Variants in COP1 observed in about 807,000 individuals in gnomAD.
COP1 encodes the protein E3 ubiquitin-protein ligase COP1.
A neutral mutation model predicts 101.3 loss-of-function variants in COP1; 24 were observed. The observed-to-expected ratio is 0.24, with a 90% confidence interval of 0.17 to 0.33. The LOEUF (loss-of-function observed/expected upper bound fraction) is 0.33. Among genes scored for constraint, COP1 ranks in the 10% least tolerant of loss-of-function variants. COP1 has a pLI of 1.00. For synonymous variants in COP1, 347 were observed against 341.9 expected (o/e 1.01, Z -0.17); for missense variants, 663 against 906.2 (o/e 0.73, Z 3.45).
rs181843878 is a variant in COP1, at chr1:176,162,463, A to G, written c.762+406T>C. On this transcript the variant is annotated intron_variant, in intron 5 of 19. Transcript: ENST00000367669. ...ATGCCATAGACTACTACTGCTACCA[A>G]TGGACACCTGCTGAAAGAACTGTAT... 7.7e-3 allele frequency among the ~76,000 whole-genome samples: 1,174 copies of G among 152,292 alleles called. 7 individuals are homozygous for G. Among genetic ancestry groups the G allele is most frequent in the South Asian group, 0.031 (150 of 4,830 alleles).
chr1:176,207,078 C>G lies in COP1; in HGVS notation c.-100G>C. On this transcript the variant is annotated 5_prime_UTR_variant, in exon 1 of 20. Coordinates refer to ENST00000367669, the MANE Select transcript of COP1 (RefSeq NM_022457.7). Reference sequence around the variant, plus strand: ...CCTCAGCCTCAGTGCATCCTGAGGACGCCCGCCGAGCCGGAGGTGGGGCTG... The same window carrying G: ...CCTCAGCCTCAGTGCATCCTGAGGAGGCCCGCCGAGCCGGAGGTGGGGCTG... 1.0e-6 allele frequency: 1 copy of G among 990,974 alleles called. No homozygotes were observed. Among genetic ancestry groups the G allele is most frequent in the East Asian group, 3.3e-5 (1 of 30,502 alleles). 61.4% of individuals were successfully genotyped at this position (990,974 alleles called of 1,614,324 possible). A position where few individuals can be genotyped will look rare whatever the true frequency, so the allele number is the denominator to read the frequency against.
intron 18 of COP1, among the ~76,000 whole-genome samples, chr1:175,986,255 G>A (rs1287935919): frequency 3.3e-5 from 5 of 152,162 alleles, no homozygotes; most frequent in Non-Finnish European, 5.9e-5. Context: ...TCCTGACCTC[G>A]TGATTTGCCC....
At chr1:176,137,958 G>C (rs1690069928) in intron 6 of COP1, among the ~76,000 whole-genome samples, 1 of 152,106 alleles carries the variant, frequency 6.6e-6, no homozygotes, top group Non-Finnish European at 1.5e-5. Flanking sequence ...AAAGCCAATA[G>C]TTGAAATATC....
chr1:175,968,400 T>C (rs1652518758), intron 18 of COP1: 1 of 512,060 alleles, frequency 2.0e-6, no homozygotes, highest in African/African-American at 1.9e-5. Flanking sequence ...TTTTAAAGGC[T>C]GTACGGAGGG....
chr1:176,156,217 T>C (rs1693425214), intron 5 of COP1, among the ~76,000 whole-genome samples: 10 of 152,148 alleles, frequency 6.6e-5, no homozygotes, highest in Admixed American at 6.5e-4. Flanking sequence ...CATATTGTCC[T>C]TGAAGTAGCA....
intron 11 of COP1, among the ~76,000 whole-genome samples, chr1:176,046,742 C>T (rs917244615): frequency 2.0e-5 from 3 of 151,870 alleles, no homozygotes; most frequent in African/African-American, 7.3e-5. Flanking sequence ...TAGAATTTCA[C>T]AATATTAAAT....
intron 15 of COP1, among the ~76,000 whole-genome samples, chr1:176,006,718 G>C (rs1425167676): frequency 6.6e-6 from 1 of 152,252 alleles, no homozygotes; most frequent in South Asian, 2.1e-4. Context: ...CGAGAGATCC[G>C]CTGTTAGTCT....
intron 11 of COP1, among the ~76,000 whole-genome samples, chr1:176,070,779 T>A (rs1162739252): frequency 2.6e-5 from 4 of 152,152 alleles, no homozygotes; most frequent in African/African-American, 9.7e-5. Context: ...ACCCTCCTCA[T>A]TAGGACTACA....
chr1:176,107,478 C>T (rs1409178049), intron 9 of COP1, among the ~76,000 whole-genome samples: 1 of 151,968 alleles, frequency 6.6e-6, no homozygotes, highest in East Asian at 1.9e-4. Context: ...TATGAAGGAG[C>T]TCCAACTAGC....
At chr1:176,054,161 CTTT>C (rs71129544) in intron 11 of COP1, among the ~76,000 whole-genome samples, 46 of 124,126 alleles carry the variant, frequency 3.7e-4, no homozygotes, top group Middle Eastern at 4.2e-3. Flanking sequence ...GCAAATTATT[CTTT>C]TTTTTTTTTT....
intron 3 of COP1, among the ~76,000 whole-genome samples, chr1:176,171,124 CAAAAAAAAAAA>C (rs1174700907): frequency 5.3e-5 from 3 of 56,848 alleles, no homozygotes; most frequent in Non-Finnish European, 9.6e-5. Context: ...GACTCCATCT[CAAAAAAAAAAA>C]AAAAAAAAAA....
intron 9 of COP1, among the ~76,000 whole-genome samples, chr1:176,113,600 T>C (rs1685657277): frequency 2.0e-5 from 3 of 152,204 alleles, no homozygotes; most frequent in Admixed American, 6.6e-5. Context: ...TGTTCCCCTA[T>C]ATAAAGTTTG....
intron 2 of COP1, among the ~76,000 whole-genome samples, chr1:176,182,978 G>A (rs1039705494): frequency 6.6e-6 from 1 of 152,086 alleles, no homozygotes; most frequent in Admixed American, 6.6e-5. Context: ...ACTAGATAAA[G>A]GTGGACATTT....
intron 13 of COP1, 136 bp downstream of exon 13, chr1:176,043,574 T>TA: frequency 7.7e-6 from 5 of 647,994 alleles, no homozygotes; most frequent in Non-Finnish European, 1.4e-5. Flanking sequence ...CATTTGGTAT[T>TA]GCATAGGTGT....
intron 15 of COP1, among the ~76,000 whole-genome samples, chr1:176,016,276 T>C (rs1318101358): frequency 6.6e-6 from 1 of 151,896 alleles, no homozygotes; most frequent in Admixed American, 6.6e-5. Context: ...TATCAAAGAA[T>C]ACCAACATTT....
chr1:176,057,721 A>C (rs1673859782), intron 11 of COP1, among the ~76,000 whole-genome samples: 1 of 152,108 alleles, frequency 6.6e-6, no homozygotes, highest in East Asian at 1.9e-4. Context: ...TTGGCCTCCC[A>C]AAGTGCCGAG....
rs537462387 is a variant in COP1 at position 176,041,718 on chromosome 1, C to T, written c.1612+1468G>A. ...TGGTGGCTCACACCGGTAATTCCAG[C>T]ACTTTGGGAAGTCGAGGTGGGTAGA... On this transcript the variant is annotated intron_variant, in intron 14 of 19. Coordinates refer to ENST00000367669, the MANE Select transcript of COP1 (RefSeq NM_022457.7). Among the ~76,000 whole-genome samples the T allele has an allele frequency of 2.0e-4, 30 of 152,288 alleles. No individual in the cohort carries two copies. In the South Asian group the frequency reaches 3.7e-3, roughly 19 times the overall value.
At chr1:176,151,347 G>GAAAGAA (rs1163140272) in intron 5 of COP1, among the ~76,000 whole-genome samples, 7 of 119,744 alleles carry the variant, frequency 5.8e-5, no homozygotes, top group African/African-American at 2.3e-4. Flanking sequence ...AGGAAGGAAA[G>GAAAGAA]AAAGAAAAAG....
intron 1 of COP1, among the ~76,000 whole-genome samples, chr1:176,192,671 G>C (rs1239162186): frequency 6.6e-6 from 1 of 152,042 alleles, no homozygotes; most frequent in Non-Finnish European, 1.5e-5. Context: ...AAGATACCAA[G>C]TTCACACAGA....
Sources: allele counts gnomAD v4.1 joint callset (sites outside exome capture counted in the v4.1 genomes callset), GRCh38; gene constraint gnomAD v4.1.1; transcripts MANE v1.5; gene names NCBI Gene and HGNC (gene_info 2026-07-23, HGNC 2026-07-21).